AHCYL2: variants seen among roughly 807,000 people sequenced by gnomAD.
The protein encoded by AHCYL2 is S-adenosylhomocysteine hydrolase-like protein 2.
Under a neutral mutation model 81.4 loss-of-function variants are expected in AHCYL2, and 28 were observed. The observed-to-expected ratio is 0.34, with a 90% CI of 0.25 to 0.47. The LOEUF is 0.47. AHCYL2 is among the 20% of genes least tolerant of loss of function. AHCYL2 has a pLI of 1.00. For synonymous variants in AHCYL2, 272 were observed against 290.2 expected, an observed-to-expected ratio of 0.94 and a Z score of 0.64; for missense variants, 551 against 785.1, an observed-to-expected ratio of 0.70 and a Z score of 3.56.
intron 10 of AHCYL2, among the ~76,000 whole-genome samples, chr7:129,409,271 T>C (rs1019897042): frequency 2.0e-5 from 3 of 152,210 alleles, no homozygotes; most frequent in Non-Finnish European, 4.4e-5. Flanking sequence ...CTCCCTATTA[T>C]CAGGAAGAAA....
At chr7:129,246,147 C>T (rs1223974882) in intron 1 of AHCYL2, among the ~76,000 whole-genome samples, 3 of 152,060 alleles carry the variant, frequency 2.0e-5, no homozygotes, top group Non-Finnish European at 4.4e-5. Flanking sequence ...CAACCTCTGC[C>T]TCCCGGGTTC....
intron 1 of AHCYL2, among the ~76,000 whole-genome samples, chr7:129,264,643 G>C (rs537759857): frequency 6.6e-6 from 1 of 152,298 alleles, no homozygotes; most frequent in African/African-American, 2.4e-5. Flanking sequence ...GTTTCTAGTG[G>C]TGATAAGGTC....
rs754302285 is a variant in AHCYL2 at position 129,389,748 on chromosome 7, T to C, written c.720+14T>C. 3.1e-6 allele frequency: 5 copies of C among 1,592,232 alleles called. No individual in the cohort carries two copies. The South Asian group carries it at 5.8e-5, about 18-fold the overall frequency. On this transcript the variant is annotated intron_variant, in intron 4 of 16. Transcript: ENST00000325006. Reference sequence around the variant, plus strand: ...GCTCAGACTGCTGTGAGTTCTTTTCTTTTCTCCTTTTAATTACAATAGTTA... The same window carrying C: ...GCTCAGACTGCTGTGAGTTCTTTTCCTTTCTCCTTTTAATTACAATAGTTA...
intron 15 of AHCYL2, among the ~76,000 whole-genome samples, chr7:129,425,912 A>G (rs577549384): frequency 6.6e-6 from 1 of 152,384 alleles, no homozygotes; most frequent in South Asian, 2.1e-4. Flanking sequence ...AGGAAATGAC[A>G]TAAGATTATG....
In AHCYL2 at chr7:129,226,518, AT is replaced by A. The variant is rs373299968; in HGVS notation, c.363+1081del. On this transcript the variant is annotated intron_variant, in intron 1 of 16. Coordinates refer to ENST00000325006, the MANE Select transcript of AHCYL2 (RefSeq NM_015328.4). Reference sequence around the variant, plus strand: ...TTTAAATTGTTGTGAATGGTTTTTAATTGCTTTATCAGAACAGCAACAAAGA... The same window carrying A: ...TTTAAATTGTTGTGAATGGTTTTTAATGCTTTATCAGAACAGCAACAAAGA... 5.8e-3 allele frequency among the ~76,000 whole-genome samples: 884 copies of A among 152,290 alleles called. 6 individuals carry two copies. The highest frequency in any genetic ancestry group is 0.02 in the African/African-American group (835 of 41,556).
Position 129,379,754 on chromosome 7 carries a change from G to A in AHCYL2, c.475+5G>A. 2.5e-6 allele frequency: 4 copies of A among 1,610,818 alleles called. No homozygotes were observed. Among genetic ancestry groups the A allele is most frequent in the Non-Finnish European group, 3.4e-6 (4 of 1,177,584 alleles). ...CTACTGACAGCTACAGCTCAGGTGA[G>A]TACTGAACTGCTGTGGACCCAGCTG... On this transcript the variant is annotated splice_donor_5th_base_variant and intron_variant, in intron 2 of 16. Coordinates refer to ENST00000325006, the MANE Select transcript of AHCYL2 (RefSeq NM_015328.4).
At chr7:129,237,532 AT>A (rs1480235900) in intron 1 of AHCYL2, among the ~76,000 whole-genome samples, 1 of 147,864 alleles carries the variant, frequency 6.8e-6, no homozygotes, top group African/African-American at 2.5e-5. Context: ...TGAATTATTC[AT>A]AGAAATACTT....
intron 1 of AHCYL2, among the ~76,000 whole-genome samples, chr7:129,334,553 C>G (rs1563200981): frequency 6.6e-6 from 1 of 152,172 alleles, no homozygotes; most frequent in Admixed American, 6.5e-5. Context: ...GCCGGAAGCT[C>G]TGTGAAAATC....
At position 129,375,570 on chromosome 7, in the gene AHCYL2, G is replaced by A. The variant is rs1056880998; in HGVS notation, c.364-4068G>A. 3.3e-6 allele frequency: 4 copies of A among 1,212,680 alleles called. No individual in the cohort carries two copies. The African/African-American group carries it at 6.1e-5, about 19-fold the overall frequency. The allele number at this position is 1,212,680 out of a possible 1,614,324, so 75.1% of individuals were successfully genotyped here. A position where few individuals can be genotyped will look rare whatever the true frequency, so the allele number is the denominator to read the frequency against. The stretch of plus-strand genomic sequence containing the variant: ...CTTGTCAAGGGACTTGCAAGGTTTA[G>A]AGGTCAGAGGATCCATGTAATTAGG... On this transcript the variant is annotated intron_variant, in intron 1 of 16. Coordinates refer to ENST00000325006, the MANE Select transcript of AHCYL2 (RefSeq NM_015328.4).
At chr7:129,360,622 C>T (rs77335976) in intron 1 of AHCYL2, among the ~76,000 whole-genome samples, 2,489 of 152,242 alleles carry the variant, frequency 0.016, 68 homozygotes, top group African/African-American at 0.056. Flanking sequence ...CTCAGTAATT[C>T]GTGTAATTGA....
intron 1 of AHCYL2, among the ~76,000 whole-genome samples, chr7:129,333,858 A>T (rs10235589): frequency 0.062 from 9,411 of 152,252 alleles, 941 homozygotes; most frequent in African/African-American, 0.21. Context: ...ATATCCAAAA[A>T]CATTTTTTTG....
intron 1 of AHCYL2, among the ~76,000 whole-genome samples, chr7:129,326,243 C>G (rs1175427702): frequency 3.3e-5 from 5 of 151,960 alleles, no homozygotes. Context: ...CAAAAAACTC[C>G]TGGCTGGGCA....
intron 1 of AHCYL2, among the ~76,000 whole-genome samples, chr7:129,255,698 G>T (rs1029237607): frequency 6.6e-6 from 1 of 152,168 alleles, no homozygotes; most frequent in Non-Finnish European, 1.5e-5. Context: ...AAATGAAAAT[G>T]AGGGCTTGGC....
At chr7:129,299,337 A>C (rs1249468487) in intron 1 of AHCYL2, among the ~76,000 whole-genome samples, 1 of 120,626 alleles carries the variant, frequency 8.3e-6, no homozygotes, top group African/African-American at 3.1e-5. Flanking sequence ...AGTTTCAACT[A>C]TTCAGGAGGC....
chr7:129,230,256 T>A (rs984240576), intron 1 of AHCYL2, among the ~76,000 whole-genome samples: 1 of 151,458 alleles, frequency 6.6e-6, no homozygotes, highest in South Asian at 2.1e-4. Context: ...CTGATTTTTT[T>A]AATTTTTAGT....
intron 1 of AHCYL2, among the ~76,000 whole-genome samples, chr7:129,318,195 A>T (rs1230052163): frequency 6.6e-6 from 1 of 152,216 alleles, no homozygotes; most frequent in Non-Finnish European, 1.5e-5. Context: ...GAATTTTCAG[A>T]GAAGGAAATG....
chr7:129,274,686 T>C (rs1436153819), intron 1 of AHCYL2, among the ~76,000 whole-genome samples: 1 of 152,142 alleles, frequency 6.6e-6, no homozygotes, highest in Admixed American at 6.6e-5. Context: ...TCTCTTGGAC[T>C]GCTTGCACAT....
chr7:129,388,591 T>C (rs1795308045), intron 2 of AHCYL2, among the ~76,000 whole-genome samples: 1 of 152,232 alleles, frequency 6.6e-6, no homozygotes, highest in Non-Finnish European at 1.5e-5. Flanking sequence ...ACAAATACTT[T>C]TTGTGTGGTT....
At chr7:129,334,291 T>C (rs1351820943) in intron 1 of AHCYL2, among the ~76,000 whole-genome samples, 1 of 152,220 alleles carries the variant, frequency 6.6e-6, no homozygotes, top group Non-Finnish European at 1.5e-5. Context: ...TTCAAAGTTA[T>C]GCTACCTTCA....
Sources: allele counts gnomAD v4.1 joint callset (sites outside exome capture counted in the v4.1 genomes callset), GRCh38; gene constraint gnomAD v4.1.1; transcripts MANE v1.5; gene names NCBI Gene and HGNC (gene_info 2026-07-23, HGNC 2026-07-21).